The following CHST9 variants were observed in gnomAD, a reference collection of about 807,000 sequenced individuals.
CHST9 encodes the protein carbohydrate sulfotransferase 9, also known as GalNAc-4-sulfotransferase 2.
In CHST9, 41 loss-of-function variants were observed where a neutral mutation model predicts 44.4. The ratio of observed to expected loss-of-function variants is 0.92; its 90% CI spans 0.72 to 1.20. CHST9 has a LOEUF of 1.20. Ranked by LOEUF, CHST9 falls within the 50% of genes most tolerant of loss-of-function variation. The pLI, the probability that CHST9 is intolerant of heterozygous loss-of-function variation, is 0.00. For synonymous variants in CHST9, 171 were observed against 178.4 expected (o/e 0.96, Z 0.33); for missense variants, 504 against 516.5 (o/e 0.98, Z 0.23).
chr18:27,183,318 T>A (rs529965144), intron 1 of CHST9, among the ~76,000 whole-genome samples: 1 of 152,314 alleles, frequency 6.6e-6, no homozygotes, highest in South Asian at 2.1e-4. Flanking sequence ...TGGGAATGTA[T>A]GAAATGAGTA....
chr18:27,148,892 T>G (rs1419924575), intron 1 of CHST9, among the ~76,000 whole-genome samples: 1 of 140,112 alleles, frequency 7.1e-6, no homozygotes. Flanking sequence ...AAAGTGTTCC[T>G]GTTTCTCCAC....
intron 4 of CHST9, among the ~76,000 whole-genome samples, chr18:26,979,691 T>C (rs2056668344): frequency 6.6e-6 from 1 of 152,190 alleles, no homozygotes; most frequent in Non-Finnish European, 1.5e-5. Flanking sequence ...GCCACGTCTA[T>C]TTGTCTTTTT....
At chr18:26,991,505 C>CAGAG (rs58345594) in intron 4 of CHST9, among the ~76,000 whole-genome samples, 1 of 151,674 alleles carries the variant, frequency 6.6e-6, no homozygotes, top group Non-Finnish European at 1.5e-5. Context: ...AGCTGGGATC[C>CAGAG]AGAGAGAGAT....
At chr18:27,117,278 TC>T (rs1303389817) in intron 2 of CHST9, among the ~76,000 whole-genome samples, 1 of 152,086 alleles carries the variant, frequency 6.6e-6, no homozygotes, top group African/African-American at 2.4e-5. Context: ...AGTTTTAGGT[TC>T]AAAGAAAAAC....
In CHST9 at chr18:27,163,755, C is replaced by A. The variant is rs1458492651; in HGVS notation, c.-96-20850G>T. Among the ~76,000 whole-genome samples the A allele has an allele frequency of 2.0e-5, 3 of 152,282 alleles. No homozygotes were observed. The East Asian group carries it at 5.8e-4, about 29-fold the overall frequency. ...GGAAAGGGAATTCCCTGATCCCTTG[C>A]ACTTCCCGGGTGAGGCCATGCCTCA... On this transcript the variant is annotated intron_variant, in intron 1 of 5. Transcript: ENST00000618847.
chr18:27,121,946 A>G (rs2058377905), intron 2 of CHST9, among the ~76,000 whole-genome samples: 3 of 152,212 alleles, frequency 2.0e-5, no homozygotes, highest in Admixed American at 6.5e-5. Flanking sequence ...GTACATTTGG[A>G]TATACTTGTC....
intron 4 of CHST9, among the ~76,000 whole-genome samples, chr18:26,985,327 T>A (rs2056741550): frequency 6.6e-6 from 1 of 152,208 alleles, no homozygotes; most frequent in Non-Finnish European, 1.5e-5. Flanking sequence ...ATGGAATAAC[T>A]GGGACCAAAT....
At chr18:26,958,165 C>T (rs1271348889) in intron 4 of CHST9, among the ~76,000 whole-genome samples, 3 of 151,904 alleles carry the variant, frequency 2.0e-5, no homozygotes, top group African/African-American at 7.2e-5. Flanking sequence ...GGATTACAGG[C>T]GTGAGCCACT....
intron 2 of CHST9, among the ~76,000 whole-genome samples, chr18:27,094,522 T>C (rs909011975): frequency 5.9e-5 from 9 of 152,350 alleles, no homozygotes; most frequent in Admixed American, 3.3e-4. Flanking sequence ...CAATTTCTTA[T>C]GTATAACTAT....
chr18:27,059,028 T>A (rs1185749402), intron 2 of CHST9, among the ~76,000 whole-genome samples: 1 of 152,220 alleles, frequency 6.6e-6, no homozygotes, highest in Non-Finnish European at 1.5e-5. Flanking sequence ...AATATACCTA[T>A]AAATATGTTC....
At chr18:27,065,279 A>AT (rs1171580253) in intron 2 of CHST9, among the ~76,000 whole-genome samples, 1 of 152,152 alleles carries the variant, frequency 6.6e-6, no homozygotes. Context: ...TTTAGACCTC[A>AT]TTTTTTTAAA....
chr18:26,927,402 C>A (rs1246734401), intron 5 of CHST9, among the ~76,000 whole-genome samples: 1 of 151,946 alleles, frequency 6.6e-6, no homozygotes, highest in African/African-American at 2.4e-5. Context: ...CCCAGGGGAT[C>A]CGCGCTCAGC....
chr18:27,154,706 C>T (rs1403636270), intron 1 of CHST9, among the ~76,000 whole-genome samples: 1 of 151,974 alleles, frequency 6.6e-6, no homozygotes, highest in East Asian at 1.9e-4. Context: ...CACAGCGGTT[C>T]GGTATGCAGA....
intron 1 of CHST9, among the ~76,000 whole-genome samples, chr18:27,181,753 T>C (rs1452043786): frequency 3.9e-5 from 6 of 152,234 alleles, no homozygotes; most frequent in Non-Finnish European, 7.3e-5. Flanking sequence ...TATAAGACTT[T>C]TATTTTTGCT....
chr18:27,184,273 G>A (rs1177657023), intron 1 of CHST9, among the ~76,000 whole-genome samples: 2 of 152,052 alleles, frequency 1.3e-5, no homozygotes, highest in East Asian at 1.9e-4. Flanking sequence ...AGCTGGGGGT[G>A]GACCGCAGAG....
chr18:27,139,558 C>G (rs962240143), intron 2 of CHST9, among the ~76,000 whole-genome samples: 4 of 151,972 alleles, frequency 2.6e-5, no homozygotes, highest in Non-Finnish European at 5.9e-5. Context: ...AGAATTTCAA[C>G]TCACAGCACT....
chr18:27,017,364 CA>C (rs1248258544), intron 4 of CHST9, among the ~76,000 whole-genome samples: 9 of 151,934 alleles, frequency 5.9e-5, no homozygotes, highest in Non-Finnish European at 1.2e-4. Flanking sequence ...ATCCAAATGT[CA>C]AAAACAAGAT....
intron 2 of CHST9, among the ~76,000 whole-genome samples, chr18:27,052,485 C>G (rs923695383): frequency 6.6e-6 from 1 of 152,018 alleles, no homozygotes; most frequent in Non-Finnish European, 1.5e-5. Flanking sequence ...TCTTTAGTAT[C>G]TTTATCTCAG....
At chr18:27,017,237 A>C (rs2057165624) in intron 4 of CHST9, among the ~76,000 whole-genome samples, 1 of 152,234 alleles carries the variant, frequency 6.6e-6, no homozygotes, top group Non-Finnish European at 1.5e-5. Context: ...TTTCTGACTT[A>C]TGATGGGCTT....
Sources: gnomAD v4.1 joint callset for allele counts (sites outside exome capture counted in the v4.1 genomes callset) on GRCh38, gnomAD v4.1.1 for gene constraint, MANE v1.5 for transcripts, NCBI Gene and HGNC (gene_info 2026-07-23, HGNC 2026-07-21) for gene names.